DCC: variants seen among roughly 807,000 people sequenced by gnomAD.
DCC encodes netrin receptor DCC.
DCC carries 58 observed loss-of-function variants against 172.5 expected under a neutral mutation model. That is an observed-to-expected ratio of 0.34 (90% CI 0.27 to 0.42). The LOEUF is 0.42. DCC is among the 10% of genes least tolerant of loss of function. The probability of loss-of-function intolerance (pLI) is 1.00; values close to 1 mark genes in which losing one functional copy is unlikely to be tolerated. For missense variants in DCC, 1,740 were observed against 1,791.0 expected (o/e 0.97, Z 0.51); for synonymous variants, 709 against 644.5 (o/e 1.10, Z -1.52).
intron 5 of DCC, among the ~76,000 whole-genome samples, chr18:53,012,129 T>C (rs2143882956): frequency 6.6e-6 from 1 of 152,064 alleles, no homozygotes; most frequent in Middle Eastern, 3.4e-3. Context: ...TGGAAAACTC[T>C]TTGACAATTT....
intron 1 of DCC, among the ~76,000 whole-genome samples, chr18:52,375,501 T>C (rs1985310711): frequency 6.6e-6 from 1 of 152,178 alleles, no homozygotes; most frequent in Admixed American, 6.5e-5. Flanking sequence ...TTCAAATAAC[T>C]CTTAGAAACA....
At chr18:52,992,010 A>G (rs1215184979) in intron 5 of DCC, among the ~76,000 whole-genome samples, 5 of 152,230 alleles carry the variant, frequency 3.3e-5, no homozygotes, top group Non-Finnish European at 7.3e-5. Flanking sequence ...CGCAGCTCTC[A>G]CAATTTAAGC....
intron 2 of DCC, among the ~76,000 whole-genome samples, chr18:52,763,444 G>A (rs192779781): frequency 1.3e-5 from 2 of 152,282 alleles, no homozygotes; most frequent in East Asian, 1.9e-4. Flanking sequence ...GAATCCCACA[G>A]TGCATTGGGC....
In DCC at chr18:52,441,918, C is replaced by A. The variant is rs150781559; in HGVS notation, c.91+101040C>A. Among the ~76,000 whole-genome samples, 567 of 152,212 alleles carry A rather than the reference C, an allele frequency of 3.7e-3. 7 individuals are homozygous for A. Among genetic ancestry groups the A allele is most frequent in the African/African-American group, 0.013 (548 of 41,538 alleles). On this transcript the variant is annotated intron_variant, in intron 1 of 28. Transcript: ENST00000442544. ...GATACAGGCTTCATCAGAATTCTGCCAGTGAAGGGGAATTTGCAAACTCTG... is the reference window on the plus strand; with the variant it reads ...GATACAGGCTTCATCAGAATTCTGCAAGTGAAGGGGAATTTGCAAACTCTG...
chr18:52,479,871 A>C (rs915778610), intron 1 of DCC, among the ~76,000 whole-genome samples: 2 of 152,122 alleles, frequency 1.3e-5, no homozygotes, highest in African/African-American at 4.8e-5. Flanking sequence ...TACTAAGAGA[A>C]GTATTTCACG....
At chr18:53,123,539 C>A (rs1318799407) in intron 7 of DCC, among the ~76,000 whole-genome samples, 1 of 151,982 alleles carries the variant, frequency 6.6e-6, no homozygotes, top group Admixed American at 6.6e-5. Context: ...TTATTAGGGT[C>A]ATTTAATGAC....
intron 5 of DCC, among the ~76,000 whole-genome samples, chr18:53,028,850 C>T (rs1436929537): frequency 3.9e-5 from 6 of 152,120 alleles, no homozygotes; most frequent in African/African-American, 1.4e-4. Flanking sequence ...TCAGAAATGT[C>T]TCTCCTTATA....
Position 52,642,018 on chromosome 18 carries a change from A to ATGTGTG in DCC, c.92-110035_92-110034insGTGTGT, listed in dbSNP as rs1436825316. 1.3e-3 allele frequency among the ~76,000 whole-genome samples: 14 copies of ATGTGTG among 11,192 alleles called. 2 individuals are homozygous for ATGTGTG. The highest frequency in any genetic ancestry group is 7.4e-3 in the Non-Finnish European group (9 of 1,210). The allele number at this position is 11,192 out of a possible 152,430, so 7.3% of individuals were successfully genotyped here. ...AAGAAACTGTGGTGTGTGTGTGTAT[A>ATGTGTG]TATATATATATATATATATATATAT... On this transcript the variant is annotated intron_variant, in intron 1 of 28. Coordinates refer to ENST00000442544, the MANE Select transcript of DCC (RefSeq NM_005215.4).
chr18:52,676,294 A>G (rs939497751), intron 1 of DCC, among the ~76,000 whole-genome samples: 1 of 152,170 alleles, frequency 6.6e-6, no homozygotes, highest in Non-Finnish European at 1.5e-5. Context: ...GAGAGAATTA[A>G]CTTGAATTGA....
intron 2 of DCC, among the ~76,000 whole-genome samples, chr18:52,757,483 C>A (rs925979062): frequency 6.6e-6 from 1 of 152,096 alleles, no homozygotes; most frequent in Admixed American, 6.6e-5. Context: ...CCCTGTCCAC[C>A]CTTCCCCACA....
At chr18:52,650,702 T>C (rs765660022) in intron 1 of DCC, among the ~76,000 whole-genome samples, 61 of 152,332 alleles carry the variant, frequency 4.0e-4, no homozygotes, top group Middle Eastern at 6.8e-3. Context: ...GAGCCTAGTG[T>C]GTGGCAGATG....
At chr18:52,875,738 T>C (rs1453453430) in intron 2 of DCC, among the ~76,000 whole-genome samples, 2 of 152,248 alleles carry the variant, frequency 1.3e-5, no homozygotes, top group Non-Finnish European at 2.9e-5. Context: ...GTCACTGCTA[T>C]ACTTTTTTAA....
intron 1 of DCC, among the ~76,000 whole-genome samples, chr18:52,747,949 G>T (rs2036933085): frequency 6.6e-6 from 1 of 152,186 alleles, no homozygotes; most frequent in Non-Finnish European, 1.5e-5. Flanking sequence ...TCCACAACAC[G>T]CAGCGCTCCT....
intron 12 of DCC, among the ~76,000 whole-genome samples, chr18:53,273,231 TAATC>T (rs772800960): frequency 3.9e-5 from 6 of 152,234 alleles, no homozygotes; most frequent in Non-Finnish European, 7.4e-5. Flanking sequence ...TTATGAATAA[TAATC>T]TTATGATTTT....
intron 5 of DCC, among the ~76,000 whole-genome samples, chr18:52,926,834 TACAC>T (rs143536972): frequency 0.016 from 2,266 of 143,482 alleles, 48 homozygotes; most frequent in African/African-American, 0.04. Context: ...TACATATACA[TACAC>T]ACACACACAT....
chr18:52,946,660 G>A (rs931996899), intron 5 of DCC, among the ~76,000 whole-genome samples: 9 of 152,112 alleles, frequency 5.9e-5, no homozygotes, highest in African/African-American at 2.2e-4. Context: ...GCTCCACAAT[G>A]CAAACACATT....
rs1005120424 is a variant in DCC, at chr18:53,104,457, G to T, written c.1261+38291G>T. On this transcript the variant is annotated intron_variant, in intron 7 of 28. Coordinates refer to ENST00000442544, the MANE Select transcript of DCC (RefSeq NM_005215.4). ...CTGCCATCCATGTAAGATGTGACTT[G>T]CTCCTCCTTGCCTTCCACCATGATT... Among the ~76,000 whole-genome samples, 8 of 151,998 alleles carry T rather than the reference G, an allele frequency of 5.3e-5. No homozygotes were observed. In the South Asian group the frequency reaches 6.2e-4, roughly 12 times the overall value.
chr18:53,033,571 A>C (rs2042053092), intron 5 of DCC, among the ~76,000 whole-genome samples: 1 of 152,058 alleles, frequency 6.6e-6, no homozygotes, highest in South Asian at 2.1e-4. Context: ...CCTCTCTATC[A>C]ATGCACACTG....
At chr18:53,066,298 T>A in intron 7 of DCC, 132 bp downstream of exon 7, 1 of 754,930 alleles carries the variant, frequency 1.3e-6, no homozygotes, top group Non-Finnish European at 2.2e-6. Flanking sequence ...AATTAAGGTG[T>A]ATACTTGTGT....
Sources: allele counts gnomAD v4.1 joint callset (sites outside exome capture counted in the v4.1 genomes callset), GRCh38; gene constraint gnomAD v4.1.1; transcripts MANE v1.5; gene names NCBI Gene and HGNC (gene_info 2026-07-23, HGNC 2026-07-21).